Variants in ITGBL1 observed in about 807,000 individuals in gnomAD.
The protein encoded by ITGBL1 is integrin subunit beta like 1, also known as integrin beta-like protein 1.
Under a neutral mutation model 68.5 loss-of-function variants are expected in ITGBL1, and 51 were observed. The observed-to-expected ratio is 0.74, with a 90% confidence interval of 0.59 to 0.94. The LOEUF (loss-of-function observed/expected upper bound fraction) is 0.94, where lower values mean the gene tolerates loss of function less well. Among genes scored for constraint, ITGBL1 ranks in the 40% least tolerant of loss-of-function variants. The pLI, the probability that ITGBL1 is intolerant of heterozygous loss-of-function variation, is 0.00. For synonymous variants in ITGBL1, 209 were observed against 227.3 expected, an observed-to-expected ratio of 0.92 and a Z score of 0.72; for missense variants, 649 against 647.4, an observed-to-expected ratio of 1.00 and a Z score of -0.03.
intron 2 of ITGBL1, among the ~76,000 whole-genome samples, chr13:101,545,228 A>G (rs974254894): frequency 2.0e-5 from 3 of 152,190 alleles, no homozygotes; most frequent in African/African-American, 7.2e-5. Flanking sequence ...AAACAGTAAG[A>G]TGAGCTGGCG....
At chr13:101,528,317 G>A (rs1401401699) in intron 2 of ITGBL1, among the ~76,000 whole-genome samples, 1 of 151,148 alleles carries the variant, frequency 6.6e-6, no homozygotes, top group Non-Finnish European at 1.5e-5. Flanking sequence ...ATCTCTAGTT[G>A]TGCTCACTCT....
intron 2 of ITGBL1, among the ~76,000 whole-genome samples, chr13:101,499,120 A>C (rs975443782): frequency 6.6e-5 from 10 of 152,128 alleles, no homozygotes; most frequent in Admixed American, 1.3e-4. Flanking sequence ...TCAGTTTCTG[A>C]ATGTCCTCTT....
chr13:101,681,142 T>C (rs1453150304), intron 7 of ITGBL1, among the ~76,000 whole-genome samples: 5 of 152,296 alleles, frequency 3.3e-5, no homozygotes, highest in Non-Finnish European at 7.3e-5. Context: ...ACATTTAAGA[T>C]TGTGAGCCCT....
chr13:101,626,047 A>T (rs1022203842), intron 7 of ITGBL1, among the ~76,000 whole-genome samples: 1 of 152,220 alleles, frequency 6.6e-6, no homozygotes, highest in Non-Finnish European at 1.5e-5. Context: ...ACTTCGACTC[A>T]TTGAGTTGAT....
chr13:101,606,351 A>G (rs1050885296), intron 7 of ITGBL1, among the ~76,000 whole-genome samples: 3 of 151,420 alleles, frequency 2.0e-5, no homozygotes, highest in Non-Finnish European at 4.4e-5. Flanking sequence ...CTTGATTTCT[A>G]TACCATATTG....
chr13:101,573,199 G>A (rs1340510147), intron 3 of ITGBL1, among the ~76,000 whole-genome samples: 1 of 152,030 alleles, frequency 6.6e-6, no homozygotes, highest in Non-Finnish European at 1.5e-5. Flanking sequence ...GATAATTAGA[G>A]AACAAAAACT....
At chr13:101,619,118 T>G (rs934931769) in intron 7 of ITGBL1, among the ~76,000 whole-genome samples, 12 of 152,088 alleles carry the variant, frequency 7.9e-5, no homozygotes, top group Non-Finnish European at 1.6e-4. Context: ...GCCTTCTTAA[T>G]GTAACAAAGA....
intron 2 of ITGBL1, among the ~76,000 whole-genome samples, chr13:101,529,373 A>G (rs1242429898): frequency 2.0e-5 from 3 of 152,214 alleles, no homozygotes; most frequent in Non-Finnish European, 4.4e-5. Flanking sequence ...TTGAAACAGC[A>G]TACCAAATGC....
chr13:101,685,809 C>G (rs1008275183), intron 7 of ITGBL1, among the ~76,000 whole-genome samples: 11 of 147,100 alleles, frequency 7.5e-5, no homozygotes, highest in East Asian at 1.9e-4. Context: ...TGGGGCAATC[C>G]AAGATTTAGA....
At chr13:101,545,358 C>CTT (rs1428249758) in intron 2 of ITGBL1, among the ~76,000 whole-genome samples, 1 of 151,940 alleles carries the variant, frequency 6.6e-6, no homozygotes, top group Admixed American at 6.6e-5. Flanking sequence ...GAAACACAGG[C>CTT]TTAAAGGTAT....
intron 2 of ITGBL1, among the ~76,000 whole-genome samples, chr13:101,518,409 G>C (rs992649370): frequency 6.6e-6 from 1 of 152,048 alleles, no homozygotes; most frequent in Admixed American, 6.6e-5. Context: ...TTTTCCCAAG[G>C]TACTTTTGTC....
At chr13:101,495,025 CATGA>C (rs2048836659) in intron 2 of ITGBL1, among the ~76,000 whole-genome samples, 1 of 152,194 alleles carries the variant, frequency 6.6e-6, no homozygotes, top group South Asian at 2.1e-4. Flanking sequence ...CTCTACTTCC[CATGA>C]TTGACATTCT....
At chr13:101,515,155 A>G (rs1258919532) in intron 2 of ITGBL1, among the ~76,000 whole-genome samples, 1 of 152,118 alleles carries the variant, frequency 6.6e-6, no homozygotes, top group Non-Finnish European at 1.5e-5. Flanking sequence ...GGAGGTTATG[A>G]TAAGACTTAT....
chr13:101,635,493 A>C (rs1341936649), intron 7 of ITGBL1, among the ~76,000 whole-genome samples: 1 of 152,088 alleles, frequency 6.6e-6, no homozygotes, highest in East Asian at 1.9e-4. Flanking sequence ...GTGAGGTTTA[A>C]AAAATCAGTC....
intron 2 of ITGBL1, among the ~76,000 whole-genome samples, chr13:101,520,944 T>C (rs1048688160): frequency 1.3e-5 from 2 of 152,178 alleles, no homozygotes; most frequent in African/African-American, 4.8e-5. Context: ...ACCCACATCC[T>C]TTAGAAGGCT....
chr13:101,560,615 TTAAA>T lies in ITGBL1; in HGVS notation c.317-7080_317-7077del, dbSNP rs547107127. ...TTTTAAAAGATATTGCAAAATTAAG[TTAAA>T]TAATTTATATATGAACAAAAATTTG... On this transcript the variant is annotated intron_variant, in intron 2 of 10. Coordinates refer to ENST00000376180, the MANE Select transcript of ITGBL1 (RefSeq NM_004791.3). Among the ~76,000 whole-genome samples, 277 of 152,326 alleles carry T rather than the reference TTAAA, an allele frequency of 1.8e-3. 2 individuals are homozygous for T. Among genetic ancestry groups the T allele is most frequent in the African/African-American group, 6.3e-3 (261 of 41,580 alleles).
At chr13:101,704,343 G>A (rs1231558451) in intron 8 of ITGBL1, among the ~76,000 whole-genome samples, 2 of 152,006 alleles carry the variant, frequency 1.3e-5, no homozygotes, top group Non-Finnish European at 2.9e-5. Flanking sequence ...GAAAATCAGG[G>A]GCTGGAGATA....
chr13:101,521,136 C>G (rs1481066691), intron 2 of ITGBL1, among the ~76,000 whole-genome samples: 3 of 152,148 alleles, frequency 2.0e-5, no homozygotes, highest in Non-Finnish European at 4.4e-5. Flanking sequence ...CAGAACTTTG[C>G]TAATGTAAGA....
intron 2 of ITGBL1, among the ~76,000 whole-genome samples, chr13:101,525,962 A>G (rs1019888716): frequency 6.6e-6 from 1 of 152,040 alleles, no homozygotes; most frequent in African/African-American, 2.4e-5. Context: ...ATATATGTTC[A>G]TATATATTTC....
Sources: gnomAD v4.1 joint callset for allele counts (sites outside exome capture counted in the v4.1 genomes callset) on GRCh38, gnomAD v4.1.1 for gene constraint, MANE v1.5 for transcripts, NCBI Gene and HGNC (gene_info 2026-07-23, HGNC 2026-07-21) for gene names.